The following DENND3 variants were observed in gnomAD, a reference collection of about 807,000 sequenced individuals.
DENND3 encodes DENN domain containing 3, also known as DENN domain-containing protein 3.
In DENND3, 88 loss-of-function variants were observed where a neutral mutation model predicts 135.1. That is an observed-to-expected ratio of 0.65 (90% CI 0.55 to 0.78). The LOEUF is 0.78. Among genes scored for constraint, DENND3 ranks in the 30% least tolerant of loss-of-function variants. The probability of loss-of-function intolerance (pLI) is 0.00; values close to 1 mark genes in which losing one functional copy is unlikely to be tolerated. For missense variants in DENND3, 1,392 were observed against 1,688.4 expected (o/e 0.82, Z 3.08); for synonymous variants, 693 against 712.3 (o/e 0.97, Z 0.43).
Position 141,168,651 on chromosome 8 carries a change from T to A in DENND3, c.2275+126T>A. 8.3e-7 allele frequency: 1 copy of A among 1,206,092 alleles called. No individual in the cohort carries two copies. Among genetic ancestry groups the A allele is most frequent in the East Asian group, 2.6e-5 (1 of 38,792 alleles). 74.7% of individuals were successfully genotyped at this position (1,206,092 alleles called of 1,614,324 possible). On this transcript the variant is annotated intron_variant, in intron 13 of 22. Transcript: ENST00000519811. This position sits in a 1 kb window ranked among gnomAD's most constrained non-coding sequence, Gnocchi z 6.2. Reference sequence around the variant, plus strand: ...ACCTCCACCTCCTGGGCTCAAGCAGTCCTCCCACCTCAGCCTCCCGAGTAG... The same window carrying A: ...ACCTCCACCTCCTGGGCTCAAGCAGACCTCCCACCTCAGCCTCCCGAGTAG...
In DENND3 at chr8:141,128,875, G is replaced by A. The variant is rs1364076277; in HGVS notation, c.102+66G>A. The A allele has an allele frequency of 4.9e-6, 6 of 1,232,650 alleles. No homozygotes were observed. The South Asian group carries it at 5.5e-5, about 11-fold the overall frequency. The allele number at this position is 1,232,650 out of a possible 1,614,324, so 76.4% of individuals were successfully genotyped here. On this transcript the variant is annotated intron_variant, in intron 1 of 22. Coordinates refer to ENST00000519811, the MANE Select transcript of DENND3 (RefSeq NM_001352890.3). The surrounding 1 kb of genome is among the most constrained non-coding windows in gnomAD (Gnocchi z 4.5). Reference sequence around the variant, plus strand: ...CGGCAGCCGGGACAGCAGTCGGAGAGCGGGCGCCCGGGTGCCCTGTGGGTT... The same window carrying A: ...CGGCAGCCGGGACAGCAGTCGGAGAACGGGCGCCCGGGTGCCCTGTGGGTT...
chr8:141,145,803 T>TTTTATATA (rs1246792571), intron 5 of DENND3, among the ~76,000 whole-genome samples: 13 of 87,116 alleles, frequency 1.5e-4, no homozygotes, highest in Non-Finnish European at 2.7e-4. Context: ...ATATTGAATA[T>TTTTATATA]TATATATATA....
intron 8 of DENND3, among the ~76,000 whole-genome samples, chr8:141,159,694 A>T (rs2154613053): frequency 6.6e-6 from 1 of 152,328 alleles, no homozygotes; most frequent in Non-Finnish European, 1.5e-5. Flanking sequence ...GTGTGACCAG[A>T]TATGCGTTGG....
intron 6 of DENND3, 82 bp downstream of exon 6, chr8:141,151,035 A>G: frequency 4.9e-6 from 7 of 1,434,094 alleles, no homozygotes; most frequent in Non-Finnish European, 6.4e-6. Flanking sequence ...GATGATGAAG[A>G]TGCGAGTTTA....
intron 1 of DENND3, among the ~76,000 whole-genome samples, chr8:141,129,021 C>G (rs901835970): frequency 1.1e-4 from 17 of 152,236 alleles, no homozygotes; most frequent in African/African-American, 4.1e-4. Flanking sequence ...CCCCTCCCCT[C>G]TTCTCTCCTC....
rs552069536 is a variant in DENND3 at position 141,182,629 on chromosome 8, G to A, written c.2944+1775G>A. 2 of 417,474 alleles carry A rather than the reference G, an allele frequency of 4.8e-6. No individual in the cohort carries two copies. The highest frequency in any genetic ancestry group is 1.6e-4 in the East Asian group (1 of 6,160). The allele number at this position is 417,474 out of a possible 1,614,324, so 25.9% of individuals were successfully genotyped here. A position where few individuals can be genotyped will look rare whatever the true frequency, so the allele number is the denominator to read the frequency against. On this transcript the variant is annotated intron_variant, in intron 17 of 22. Transcript: ENST00000519811. The surrounding 1 kb of genome is among the most constrained non-coding windows in gnomAD (Gnocchi z 5.9). ...AGCGTGCAAAGCAGCCGTGGGGAATGGGGAAACCGCCTTTTCCTGTGGCTG... is the reference window on the plus strand; with the variant it reads ...AGCGTGCAAAGCAGCCGTGGGGAATAGGGAAACCGCCTTTTCCTGTGGCTG...
In DENND3 at chr8:141,168,602, G is replaced by C. The variant is rs1821103388; in HGVS notation, c.2275+77G>C. The C allele has an allele frequency of 6.7e-7, 1 of 1,497,678 alleles. No individual in the cohort carries two copies. The highest frequency in any genetic ancestry group is 1.3e-5 in the South Asian group (1 of 74,300). The allele number at this position is 1,497,678 out of a possible 1,614,324, so 92.8% of individuals were successfully genotyped here. On this transcript the variant is annotated intron_variant, in intron 13 of 22. Transcript: ENST00000519811. This position sits in a 1 kb window ranked among gnomAD's most constrained non-coding sequence, Gnocchi z 6.2. ...TGGCTCTGTCGCCCAGGCTGGAGTG[G>C]ACTGGCAATCACAGCTCACTGCAAC... is the stretch of plus-strand genomic sequence containing the variant.
rs1165872972 is a variant in DENND3 at position 141,166,394 on chromosome 8, G to A, written c.1753+5G>A. 1.2e-6 allele frequency: 2 copies of A among 1,609,386 alleles called. No homozygotes were observed. The highest frequency in any genetic ancestry group is 1.7e-6 in the Non-Finnish European group (2 of 1,179,160). ...GCTGTAGGGGCAGCAGCGCAGGTGA[G>A]GGCTGCCCCCCACTGTGGTGCTGTG... On this transcript the variant is annotated splice_donor_5th_base_variant and intron_variant, in intron 12 of 22. Transcript: ENST00000519811. The surrounding 1 kb of genome is among the most constrained non-coding windows in gnomAD (Gnocchi z 4.3).
intron 19 of DENND3, among the ~76,000 whole-genome samples, chr8:141,189,718 G>A (rs914003127): frequency 3.3e-5 from 5 of 152,170 alleles, no homozygotes; most frequent in South Asian, 2.1e-4. Flanking sequence ...ACTTAGTGTC[G>A]GGGGCGCCTG....
At chr8:141,150,455 CACTA>C (rs1253809108) in intron 5 of DENND3, 4 of 479,766 alleles carry the variant, frequency 8.3e-6, no homozygotes, top group African/African-American at 2.1e-5. Flanking sequence ...TCATAGCATA[CACTA>C]ACTAAAAAGA....
At position 141,155,988 on chromosome 8, in the gene DENND3, T is replaced by C; in HGVS notation, c.1196+18T>C. 6.3e-7 allele frequency: 1 copy of C among 1,582,344 alleles called. No homozygotes were observed. Among genetic ancestry groups the C allele is most frequent in the Non-Finnish European group, 8.6e-7 (1 of 1,161,768 alleles). On this transcript the variant is annotated intron_variant, in intron 8 of 22. Transcript: ENST00000519811. ...ATTCAGAGGTAACGGGAAACATTAA[T>C]GGTATGAATTTCAGACCGTCTTTGT... is the stretch of plus-strand genomic sequence containing the variant.
Position 141,155,967 on chromosome 8 carries a change from A to G in DENND3, c.1193A>G (p.Gln398Arg). 2 of 1,604,870 alleles carry G rather than the reference A, an allele frequency of 1.2e-6. No homozygotes were observed. The highest frequency in any genetic ancestry group is 1.7e-6 in the Non-Finnish European group (2 of 1,174,828). Residue 398 changes from glutamine to arginine, a missense_variant, in exon 8 of 23, where the codon CAG becomes CGG. Coordinates refer to ENST00000519811, the MANE Select transcript of DENND3 (RefSeq NM_001352890.3). ...VPLLAAQTFI[Q>R]RVQSLQLHHE... ...CTCCTGGCAGCCCAGACGTTTATTC[A>G]GAGGTAACGGGAAACATTAATGGTA...
rs1369226849 is a variant in DENND3 at position 141,194,605 on chromosome 8, C to T, written c.*372C>T. ...AGTCACAGGTGACCCGTGGCCCTCA[C>T]GTCTCTGGTTTTACCTTTCCTTACT... On this transcript the variant is annotated 3_prime_UTR_variant, in exon 23 of 23. Coordinates refer to ENST00000519811, the MANE Select transcript of DENND3 (RefSeq NM_001352890.3). 2 of 254,960 alleles carry T rather than the reference C, an allele frequency of 7.8e-6. No individual in the cohort carries two copies. Among genetic ancestry groups the T allele is most frequent in the South Asian group, 5.4e-5 (1 of 18,474 alleles). The allele number at this position is 254,960 out of a possible 1,614,324, so 15.8% of individuals were successfully genotyped here.
Position 141,182,589 on chromosome 8 carries a change from C to A in DENND3, c.2944+1735C>A. 2 of 705,200 alleles carry A rather than the reference C, an allele frequency of 2.8e-6. No homozygotes were observed. Among genetic ancestry groups the A allele is most frequent in the Middle Eastern group, 1.4e-3 (2 of 1,422 alleles). The allele number at this position is 705,200 out of a possible 1,614,324, so 43.7% of individuals were successfully genotyped here. ...GGCGGCTTCCCCTCCAGGAGCATCT[C>A]GAAGGCCTGCAGAGAGCGTGCAAAG... On this transcript the variant is annotated intron_variant, in intron 17 of 22. Transcript: ENST00000519811. This position sits in a 1 kb window ranked among gnomAD's most constrained non-coding sequence, Gnocchi z 5.9.
intron 22 of DENND3, chr8:141,193,681 T>C: frequency 3.2e-6 from 1 of 308,054 alleles, no homozygotes; most frequent in South Asian, 5.2e-5. Flanking sequence ...ATATCTAAGG[T>C]ATACAAGGTG....
At chr8:141,152,469 A>C (rs570062614) in intron 7 of DENND3, among the ~76,000 whole-genome samples, 1 of 152,194 alleles carries the variant, frequency 6.6e-6, no homozygotes, top group African/African-American at 2.4e-5. Flanking sequence ...TCGTGGGAAC[A>C]GAGTTGCTCC....
Position 141,194,574 on chromosome 8 carries a change from T to C in DENND3, c.*341T>C. On this transcript the variant is annotated 3_prime_UTR_variant, in exon 23 of 23. Transcript: ENST00000519811. ...GGGGCTGGCACTGGAGCCAGCAGCT[T>C]GGCCGAGTCACAGGTGACCCGTGGC... 3.1e-6 allele frequency: 1 copy of C among 318,370 alleles called. No homozygotes were observed. Among genetic ancestry groups the C allele is most frequent in the South Asian group, 3.7e-5 (1 of 27,062 alleles). The allele number at this position is 318,370 out of a possible 1,614,324, so 19.7% of individuals were successfully genotyped here.
At chr8:141,188,783 C>T (rs912337682) in intron 18 of DENND3, 1 of 597,322 alleles carries the variant, frequency 1.7e-6, no homozygotes, top group Non-Finnish European at 2.8e-6. Context: ...TGTCTGTGAA[C>T]AGAGCACGCG....
In DENND3 at chr8:141,175,085, G is replaced by GCCACCTGC. The variant is rs1822156195; in HGVS notation, c.2276-114_2276-107dup. The GCCACCTGC allele has an allele frequency of 3.1e-6, 4 of 1,273,964 alleles. No homozygotes were observed. The highest frequency in any genetic ancestry group is 4.3e-6 in the Non-Finnish European group (4 of 926,748). 78.9% of individuals were successfully genotyped at this position (1,273,964 alleles called of 1,614,324 possible). A position where few individuals can be genotyped will look rare whatever the true frequency, so the allele number is the denominator to read the frequency against. On this transcript the variant is annotated intron_variant, in intron 13 of 22. Coordinates refer to ENST00000519811, the MANE Select transcript of DENND3 (RefSeq NM_001352890.3). The surrounding 1 kb of genome is among the most constrained non-coding windows in gnomAD (Gnocchi z 5.4). ...TCCATCCAGCGCCCTGAGTGCTGGC[G>GCCACCTGC]CCACCTGCTGCCGGGTTCCGGTAGT...
Sources: allele counts gnomAD v4.1 joint callset (sites outside exome capture counted in the v4.1 genomes callset), GRCh38; gene constraint gnomAD v4.1.1; non-coding constraint Gnocchi (gnomAD v3.1); transcripts MANE v1.5; gene names NCBI Gene and HGNC (gene_info 2026-07-23, HGNC 2026-07-21).